FLNA: variants seen among roughly 807,000 people sequenced by gnomAD.
FLNA encodes filamin A.
FLNA carries 7 observed loss-of-function variants against 157.6 expected under a neutral mutation model. The observed-to-expected ratio is 0.04, with a 90% CI of 0.03 to 0.08. FLNA has a LOEUF of 0.08. Ranked by LOEUF, FLNA falls within the 10% of genes least tolerant of loss-of-function variation. The pLI is 1.00. For missense variants in FLNA, 1,750 were observed against 2,398.4 expected (o/e 0.73, Z 5.65); for synonymous variants, 1,103 against 1,060.8 (o/e 1.04, Z -0.77).
intron 1 of FLNA, among the ~76,000 whole-genome samples, chrX:154,374,005 T>A (rs781954149): frequency 8.9e-6 from 1 of 112,418 alleles, no homozygotes; most frequent in Non-Finnish European, 1.9e-5. Flanking sequence ...ATGGCCCCCA[T>A]GGAGTAGAGC....
At chrX:154,373,805 C>T (rs1557180855) in intron 1 of FLNA, among the ~76,000 whole-genome samples, 1 of 113,416 alleles carries the variant, frequency 8.8e-6, no homozygotes, top group Non-Finnish European at 1.9e-5. Context: ...CCCACCTTGA[C>T]GGTGCACTCG....
Position 154,350,065 on chromosome X carries a change from A to G in FLNA, c.7299T>C (p.Ser2433=). 5 of 1,211,919 alleles carry G rather than the reference A, an allele frequency of 4.1e-6. No homozygotes were observed. The highest frequency in any genetic ancestry group is 5.6e-6 in the Non-Finnish European group (5 of 895,493). Residue 2433 remains serine (S), a synonymous_variant, in exon 45 of 48, where the codon TCT becomes TCC. Coordinates refer to ENST00000369850, the MANE Select transcript of FLNA (RefSeq NM_001110556.2). ...PGHGGDPGLV[S]AYGAGLEGGV... ...CGCCTTCCAGACCTGCTCCGTAAGCAGACACCAAGCCTGGGTCCCCTCCAT... is the reference window on the plus strand; with the variant it reads ...CGCCTTCCAGACCTGCTCCGTAAGCGGACACCAAGCCTGGGTCCCCTCCAT...
At chrX:154,358,718 G>T in intron 26 of FLNA, 150 bp from the exon 27 acceptor site, 1 of 759,002 alleles carries the variant, frequency 1.3e-6, no homozygotes, top group Non-Finnish European at 2.0e-6. Context: ...ACCCCCTCTG[G>T]CACGAAAGAC....
In FLNA at chrX:154,365,223, T is replaced by C; in HGVS notation, c.1604A>G (p.Asp535Gly). The change falls in exon 11 of 48, where the codon GAT (aspartate) becomes GGT (glycine). Residue 535 changes from aspartate to glycine, a missense_variant. Coordinates refer to ENST00000369850, the MANE Select transcript of FLNA (RefSeq NM_001110556.2). ...GTAATACTCGAAGCCATACACGCCA[T>C]CCCCCAGGTCCTTCTGCTTCACGCG... ...EERVKQKDLG[D>G]GVYGFEYYPM... 8.3e-7 allele frequency: 1 copy of C among 1,211,064 alleles called. No homozygotes were observed. Among genetic ancestry groups the C allele is most frequent in the Non-Finnish European group, 1.1e-6 (1 of 895,121 alleles).
chrX:154,359,100 C>T lies in FLNA; in HGVS notation c.4358G>A (p.Cys1453Tyr). Reference sequence around the variant, plus strand: ...GCCTGGGCTCAGGCCGGGCCCAGAGCACTTGACCTTGGACGCATCTGTCAC... The same window carrying T: ...GCCTGGGCTCAGGCCGGGCCCAGAGTACTTGACCTTGGACGCATCTGTCAC... ...HDVTDASKVKCSGPGLSPGMV... is the reference protein window; with the variant it reads ...HDVTDASKVKYSGPGLSPGMV... Residue 1453 changes from cysteine (C) to tyrosine (Y), a missense_variant, in exon 26 of 48, where the codon TGC becomes TAC. Cys to Tyr is a radical substitution (Grantham distance 194). Coordinates refer to ENST00000369850, the MANE Select transcript of FLNA (RefSeq NM_001110556.2). 1.7e-6 allele frequency: 2 copies of T among 1,211,459 alleles called. No homozygotes were observed. Among genetic ancestry groups the T allele is most frequent in the Non-Finnish European group, 2.2e-6 (2 of 895,526 alleles).
In FLNA at chrX:154,359,728, G is replaced by A. The variant is rs782681322; in HGVS notation, c.3979+4C>T. On this transcript the variant is annotated splice_donor_region_variant and intron_variant, in intron 23 of 47. Coordinates refer to ENST00000369850, the MANE Select transcript of FLNA (RefSeq NM_001110556.2). ...GCCAGCCTGTGGGAGTCCCCAGCAC[G>A]CACCCTCCTCGTAAGGCGTGTACTC... 8 of 1,208,581 alleles carry A rather than the reference G, an allele frequency of 6.6e-6. No homozygotes were observed. Among genetic ancestry groups the A allele is most frequent in the Non-Finnish European group, 7.8e-6 (7 of 894,680 alleles).
Position 154,348,837 on chromosome X carries a change from CG to C in FLNA, c.*11del. The C allele has an allele frequency of 8.4e-7, 1 of 1,190,465 alleles. No individual in the cohort carries two copies. Among genetic ancestry groups the C allele is most frequent in the East Asian group, 3.0e-5 (1 of 33,450 alleles). ...CAGGCTTGGGGGCTGCCGGCTGGCA[CG>C]GGCCCCAGACTCAGGGCACCACAAC... On this transcript the variant is annotated 3_prime_UTR_variant, in exon 48 of 48. Coordinates refer to ENST00000369850, the MANE Select transcript of FLNA (RefSeq NM_001110556.2).
In FLNA at chrX:154,358,247, G is replaced by T. The variant is rs782648070; in HGVS notation, c.4707C>A (p.Thr1569=). 5.8e-6 allele frequency: 7 copies of T among 1,211,210 alleles called. No homozygotes were observed. In the South Asian group the frequency reaches 1.2e-4, roughly 21 times the overall value. Residue 1569 remains threonine, a synonymous_variant, in exon 28 of 48, where the codon ACC becomes ACA. Coordinates refer to ENST00000369850, the MANE Select transcript of FLNA (RefSeq NM_001110556.2). The stretch of plus-strand genomic sequence containing the variant: ...CCTCCCCGGCGTCCTTTGCATCGAT[G>T]GTGAACTCCACGGGCAGGCTGGCAG... ...GVPASLPVEF[T]IDAKDAGEGL... is the part of the protein sequence containing the mutation.
At chrX:154,369,275 C>T (rs1042257915) in intron 2 of FLNA, among the ~76,000 whole-genome samples, 5 of 112,311 alleles carry the variant, frequency 4.5e-5, no homozygotes, top group Non-Finnish European at 9.4e-5. Context: ...GAGGGGGACT[C>T]GGAGAGGACC....
rs5945186 is a variant in FLNA, at chrX:154,363,125, T to G, written c.2281-341A>C. 0.38 allele frequency among the ~76,000 whole-genome samples: 42,745 copies of G among 111,676 alleles called. 8,453 individuals are homozygous for G. The highest frequency in any genetic ancestry group is 0.78 in the African/African-American group (24,009 of 30,666). ...ATGGAGTATTATGCGGCCATAAAAA[T>G]AAATGAAGCGGCCGGACGTGGTGGC... On this transcript the variant is annotated intron_variant, in intron 15 of 47. Transcript: ENST00000369850.
rs2067743785 is a variant in FLNA at position 154,364,864 on chromosome X, T to C, written c.1785A>G (p.Ala595=). The C allele has an allele frequency of 8.3e-7, 1 of 1,210,049 alleles. No individual in the cohort carries two copies. Among genetic ancestry groups the C allele is most frequent in the South Asian group, 1.8e-5 (1 of 56,830 alleles). ...CCCCGATAGCCTCCACCACAAAGTC[T>C]GCTGACTTGCCAACGACGCCGCCCT... is the stretch of plus-strand genomic sequence containing the variant. ...GLEGGVVGKS[A]DFVVEAIGDD... is the part of the protein sequence containing the mutation. The change falls in exon 12 of 48, where the codon GCA becomes GCG. Residue 595 remains alanine (A), a synonymous_variant. Transcript: ENST00000369850.
Position 154,352,428 on chromosome X carries a change from C to A in FLNA, c.6522G>T (p.Met2174Ile), listed in dbSNP as rs1472405632. 4 of 1,210,901 alleles carry A rather than the reference C, an allele frequency of 3.3e-6. No individual in the cohort carries two copies. Among genetic ancestry groups the A allele is most frequent in the Non-Finnish European group, 4.5e-6 (4 of 895,369 alleles). The change falls in exon 41 of 48, where the codon ATG (methionine) becomes ATT (isoleucine). Residue 2174 changes from methionine (M) to isoleucine (I), a missense_variant. By Grantham distance (10) the Met-to-Ile change is conservative. Transcript: ENST00000369850. ...CCGATGGGCTGGTCACCTGGGCTGT[C>A]ATATCCTGGATGCTAATTTCTGCAG... ...LKIPEISIQD[M>I]TAQVTSPSGK...
At chrX:154,350,431 C>T in intron 44 of FLNA, 1 of 440,099 alleles carries the variant, frequency 2.3e-6, no homozygotes, top group East Asian at 3.7e-5. Flanking sequence ...AAATCTTTTA[C>T]AAGCCAAACC....
At chrX:154,355,568 C>A (rs781866037) in intron 30 of FLNA, among the ~76,000 whole-genome samples, 1 of 113,474 alleles carries the variant, frequency 8.8e-6, no homozygotes, top group African/African-American at 3.2e-5. Flanking sequence ...ATGGTGAAAC[C>A]GGAGTTTCCT....
chrX:154,370,662 C>A (rs2067798519), intron 2 of FLNA, among the ~76,000 whole-genome samples: 1 of 112,796 alleles, frequency 8.9e-6, no homozygotes, highest in African/African-American at 3.2e-5. Flanking sequence ...GCGCAGCGGG[C>A]GGGGGCGCGT....
At chrX:154,362,397 G>A (rs782537934) in intron 17 of FLNA, 21 bp downstream of exon 17, 111 of 1,209,472 alleles carry the variant, frequency 9.2e-5, no homozygotes, top group South Asian at 1.6e-4. Flanking sequence ...ACATCTTAGC[G>A]GCCAGGAGCG....
At position 154,352,534 on chromosome X, in the gene FLNA, G is replaced by A; in HGVS notation, c.6502+19C>T. On this transcript the variant is annotated intron_variant, in intron 40 of 47. Coordinates refer to ENST00000369850, the MANE Select transcript of FLNA (RefSeq NM_001110556.2). The stretch of plus-strand genomic sequence containing the variant: ...GCTTGAGCCCCAGGACCCCTCCCCA[G>A]GCTTCCCACAGCCCCTACCAGGGAT... The A allele has an allele frequency of 1.7e-6, 2 of 1,211,531 alleles. No individual in the cohort carries two copies. The highest frequency in any genetic ancestry group is 3.0e-5 in the East Asian group (1 of 33,844).
At position 154,351,970 on chromosome X, in the gene FLNA, G is replaced by A; in HGVS notation, c.6821C>T (p.Ala2274Val). The A allele has an allele frequency of 1.7e-6, 2 of 1,211,393 alleles. No homozygotes were observed. The highest frequency in any genetic ancestry group is 1.1e-6 in the Non-Finnish European group (1 of 895,143). ...REAGAGGLAI[A>V]VEGPSKAEIS... ...CTCAGCCTTGCTGGGGCCCTCGACA[G>A]CAATGGCCAGGCCTCCAGCACCAGC... Residue 2274 changes from alanine (A) to valine (V), a missense_variant, in exon 42 of 48, where the codon GCT becomes GTT. By Grantham distance (64) the Ala-to-Val change is moderately conservative. Transcript: ENST00000369850.
Position 154,364,319 on chromosome X carries a change from T to C in FLNA, c.2076A>G (p.Pro692=), listed in dbSNP as rs1603362287. ...GCTTGGCATCCACTGTGAACTCTGC[T>C]GGCTTGTTGACGGCCACACCTGTCT... is the stretch of plus-strand genomic sequence containing the variant. ...LEKTGVAVNK[P]AEFTVDAKHG... is the part of the protein sequence containing the mutation. Residue 692 remains proline, a synonymous_variant, in exon 14 of 48, where the codon CCA becomes CCG. Coordinates refer to ENST00000369850, the MANE Select transcript of FLNA (RefSeq NM_001110556.2). The C allele has an allele frequency of 4.1e-6, 5 of 1,209,534 alleles. No individual in the cohort carries two copies. The highest frequency in any genetic ancestry group is 5.6e-6 in the Non-Finnish European group (5 of 895,131).
Sources: gnomAD v4.1 joint callset for allele counts (sites outside exome capture counted in the v4.1 genomes callset) on GRCh38, gnomAD v4.1.1 for gene constraint, MANE v1.5 for transcripts, NCBI Gene and HGNC (gene_info 2026-07-23, HGNC 2026-07-21) for gene names.